Variants in CCSER1 observed in about 807,000 individuals in gnomAD.
CCSER1 encodes coiled-coil serine rich protein 1, also known as serine-rich coiled-coil domain-containing protein 1.
In CCSER1, 41 loss-of-function variants were observed where a neutral mutation model predicts 82.0. The observed-to-expected ratio is 0.50, with a 90% CI of 0.39 to 0.65. The LOEUF (loss-of-function observed/expected upper bound fraction) is 0.65, where lower values mean the gene tolerates loss of function less well. CCSER1 is among the 30% of genes least tolerant of loss of function. CCSER1 has a pLI of 0.00. For missense variants in CCSER1, 1,119 were observed against 1,064.2 expected, an observed-to-expected ratio of 1.05 and a Z score of -0.72; for synonymous variants, 414 against 383.9, an observed-to-expected ratio of 1.08 and a Z score of -0.92.
chr4:91,370,062 C>T (rs1022581422), intron 10 of CCSER1, among the ~76,000 whole-genome samples: 3 of 152,032 alleles, frequency 2.0e-5, no homozygotes, highest in Non-Finnish European at 2.9e-5. Context: ...AAAATTGATA[C>T]TAGTCTATTT....
Position 90,986,432 on chromosome 4 carries a change from C to T in CCSER1, c.2172+62985C>T, listed in dbSNP as rs561278501. ...CAATTTTATAAATGAATTTAAAACA[C>T]CTGATTATTTCTGAAACAAAAATTG... On this transcript the variant is annotated intron_variant, in intron 9 of 10. Coordinates refer to ENST00000509176, the MANE Select transcript of CCSER1 (RefSeq NM_001145065.2). Among the ~76,000 whole-genome samples the T allele has an allele frequency of 4.6e-5, 7 of 151,744 alleles. No individual in the cohort carries two copies. In the South Asian group the frequency reaches 1.2e-3, roughly 27 times the overall value.
chr4:91,266,006 C>T (rs13120196), intron 10 of CCSER1, among the ~76,000 whole-genome samples: 73,650 of 151,776 alleles, frequency 0.49, 18,253 homozygotes, highest in African/African-American at 0.58. Context: ...GTAGAAGCCC[C>T]TTGTAAAACC....
chr4:90,654,564 A>G (rs1044982478), intron 6 of CCSER1, among the ~76,000 whole-genome samples: 1 of 152,016 alleles, frequency 6.6e-6, no homozygotes, highest in Non-Finnish European at 1.5e-5. Context: ...TAGCATTGCG[A>G]TTTTTTAAAA....
intron 5 of CCSER1, among the ~76,000 whole-genome samples, chr4:90,508,950 T>C (rs556890328): frequency 3.2e-4 from 49 of 152,206 alleles, no homozygotes; most frequent in Non-Finnish European, 5.3e-4. Context: ...GATTAGCATA[T>C]ATTGTTTTAA....
At chr4:90,833,010 A>G (rs1247362952) in intron 8 of CCSER1, among the ~76,000 whole-genome samples, 1 of 152,218 alleles carries the variant, frequency 6.6e-6, no homozygotes, top group Non-Finnish European at 1.5e-5. Context: ...TTCGTTATTC[A>G]CAGCTTTTCA....
At chr4:90,161,086 A>G (rs1461855605) in intron 1 of CCSER1, among the ~76,000 whole-genome samples, 1 of 152,152 alleles carries the variant, frequency 6.6e-6, no homozygotes, top group Non-Finnish European at 1.5e-5. Flanking sequence ...TGTAACCTGT[A>G]ATGTTGTATC....
At chr4:91,460,351 G>C (rs896184465) in intron 10 of CCSER1, among the ~76,000 whole-genome samples, 11 of 152,072 alleles carry the variant, frequency 7.2e-5, no homozygotes, top group African/African-American at 2.4e-4. Context: ...AGAGGTAAGA[G>C]AAAATAATGC....
At chr4:90,615,978 G>A (rs1402686335) in intron 5 of CCSER1, among the ~76,000 whole-genome samples, 1 of 152,132 alleles carries the variant, frequency 6.6e-6, no homozygotes, top group Non-Finnish European at 1.5e-5. Flanking sequence ...CCACCACCCT[G>A]ATCAGTCAGC....
chr4:91,334,746 G>T (rs1479542001), intron 10 of CCSER1, among the ~76,000 whole-genome samples: 2 of 152,028 alleles, frequency 1.3e-5, no homozygotes, highest in East Asian at 1.9e-4. Flanking sequence ...TTTCTCATGG[G>T]TGTGGACGTC....
chr4:90,517,084 G>A (rs1213088111), intron 5 of CCSER1, among the ~76,000 whole-genome samples: 1 of 152,072 alleles, frequency 6.6e-6, no homozygotes, highest in Non-Finnish European at 1.5e-5. Context: ...AAACATCATA[G>A]CTTAGCCTAG....
At chr4:91,167,269 C>G (rs1194611784) in intron 10 of CCSER1, among the ~76,000 whole-genome samples, 4 of 147,088 alleles carry the variant, frequency 2.7e-5, no homozygotes, top group South Asian at 2.2e-4. Context: ...TCACTGTAAC[C>G]TTTGCCTCGT....
intron 10 of CCSER1, among the ~76,000 whole-genome samples, chr4:91,336,122 G>A (rs906590822): frequency 1.6e-4 from 25 of 152,072 alleles, no homozygotes; most frequent in African/African-American, 6.0e-4. Flanking sequence ...CAATTGTAAT[G>A]ATATCTGTGT....
At chr4:90,410,888 A>G (rs569345337) in intron 4 of CCSER1, among the ~76,000 whole-genome samples, 67 of 152,218 alleles carry the variant, frequency 4.4e-4, no homozygotes, top group Admixed American at 9.2e-4. Flanking sequence ...CAAGACTAAT[A>G]AAGAAGCAAA....
chr4:91,057,385 G>C (rs532967170), intron 9 of CCSER1, among the ~76,000 whole-genome samples: 1 of 152,204 alleles, frequency 6.6e-6, no homozygotes, highest in South Asian at 2.1e-4. Context: ...AAGATTCCTG[G>C]TGTTCCCCAC....
chr4:90,318,677 C>T (rs886078718), intron 3 of CCSER1, among the ~76,000 whole-genome samples: 3 of 152,138 alleles, frequency 2.0e-5, no homozygotes, highest in Non-Finnish European at 4.4e-5. Context: ...TATGACTGTA[C>T]CCTATTTGAG....
At chr4:90,221,999 G>C (rs551041374) in intron 1 of CCSER1, among the ~76,000 whole-genome samples, 169 of 152,008 alleles carry the variant, frequency 1.1e-3, no homozygotes, top group Non-Finnish European at 2.0e-3. Flanking sequence ...AGAATGACTC[G>C]CATGTTTTCA....
chr4:91,492,250 A>G (rs1327453820), intron 10 of CCSER1, among the ~76,000 whole-genome samples: 1 of 152,254 alleles, frequency 6.6e-6, no homozygotes, highest in East Asian at 1.9e-4. Context: ...ATATAAATAC[A>G]GTGTAACTGA....
chr4:91,388,151 G>T (rs952170349), intron 10 of CCSER1, among the ~76,000 whole-genome samples: 1 of 151,984 alleles, frequency 6.6e-6, no homozygotes, highest in African/African-American at 2.4e-5. Flanking sequence ...AAAGTGCTGA[G>T]ATTACAGGCA....
chr4:91,360,533 C>A (rs1749177132), intron 10 of CCSER1, among the ~76,000 whole-genome samples: 1 of 151,776 alleles, frequency 6.6e-6, no homozygotes, highest in South Asian at 2.1e-4. Flanking sequence ...ACCCATTAAG[C>A]CAGCCTCCTA....
Sources: allele counts gnomAD v4.1 joint callset (sites outside exome capture counted in the v4.1 genomes callset), GRCh38; gene constraint gnomAD v4.1.1; transcripts MANE v1.5; gene names NCBI Gene and HGNC (gene_info 2026-07-23, HGNC 2026-07-21).